SAMD5: variants seen among roughly 807,000 people sequenced by gnomAD.
The protein encoded by SAMD5 is sterile alpha motif domain-containing protein 5.
Under a neutral mutation model 11.3 loss-of-function variants are expected in SAMD5, and 13 were observed. The observed-to-expected ratio is 1.15, with a 90% confidence interval of 0.75 to 1.83. The LOEUF (loss-of-function observed/expected upper bound fraction) is 1.83. Among genes scored for constraint, SAMD5 ranks in the 40% most tolerant of loss-of-function variants. The pLI, the probability that SAMD5 is intolerant of heterozygous loss-of-function variation, is 0.00. For synonymous variants in SAMD5, 129 were observed against 111.3 expected (o/e 1.16, Z -1.00); for missense variants, 255 against 239.1 (o/e 1.07, Z -0.44).
chr6:147,767,180 A>G, the SAMD5 span, among the ~76,000 whole-genome samples: 1 of 152,222 alleles, frequency 6.6e-6, no homozygotes, highest in Non-Finnish European at 1.5e-5. Context: ...CTACAACAGT[A>G]TCTTAGGTTG....
chr6:147,816,280 C>CAAAAAAAAA, the SAMD5 span, among the ~76,000 whole-genome samples: 10 of 12,706 alleles, frequency 7.9e-4, no homozygotes, highest in African/African-American at 1.3e-3. Context: ...AACTCCGTCT[C>CAAAAAAAAA]CAAAAAAAAA....
chr6:147,621,518 A>G (rs563171196), intron 1 of SAMD5, among the ~76,000 whole-genome samples: 1 of 152,320 alleles, frequency 6.6e-6, no homozygotes, highest in East Asian at 1.9e-4. Flanking sequence ...TCTTGCTGAC[A>G]CAGAGCTATC....
the SAMD5 span, among the ~76,000 whole-genome samples, chr6:147,829,501 T>C: frequency 6.6e-6 from 1 of 152,242 alleles, no homozygotes; most frequent in African/African-American, 2.4e-5. Flanking sequence ...AAATGATTGC[T>C]TATTTTTGCT....
intron 1 of SAMD5, among the ~76,000 whole-genome samples, chr6:147,524,063 T>C (rs1326948388): frequency 1.3e-5 from 2 of 152,232 alleles, no homozygotes; most frequent in African/African-American, 4.8e-5. Context: ...TTTTCAGTTT[T>C]ATTGCAGTGT....
At chr6:147,938,466 T>C in the SAMD5 span, among the ~76,000 whole-genome samples, 1 of 152,146 alleles carries the variant, frequency 6.6e-6, no homozygotes, top group East Asian at 1.9e-4. Context: ...TATAGACTAG[T>C]AGGAGAGATG....
At chr6:147,631,409 A>T (rs933399884) in intron 1 of SAMD5, among the ~76,000 whole-genome samples, 5 of 152,112 alleles carry the variant, frequency 3.3e-5, no homozygotes, top group Admixed American at 3.3e-4. Context: ...CCTCCTTTTT[A>T]AGTTGGAGGC....
At chr6:147,720,370 G>A (rs1006975075) in intron 1 of SAMD5, among the ~76,000 whole-genome samples, 1 of 152,118 alleles carries the variant, frequency 6.6e-6, no homozygotes, top group Non-Finnish European at 1.5e-5. Context: ...GGCTGAGGCA[G>A]GAGAATGGCG....
intron 1 of SAMD5, among the ~76,000 whole-genome samples, chr6:147,647,455 G>T (rs1790422930): frequency 6.6e-6 from 1 of 152,090 alleles, no homozygotes; most frequent in Admixed American, 6.6e-5. Flanking sequence ...AAGCAATCAG[G>T]TTTGGATGGG....
chr6:147,945,435 C>A, the SAMD5 span, among the ~76,000 whole-genome samples: 279 of 152,288 alleles, frequency 1.8e-3, 2 homozygotes, highest in African/African-American at 6.3e-3. Context: ...TTTTAACCCC[C>A]AAACGTTATT....
intron 1 of SAMD5, among the ~76,000 whole-genome samples, chr6:147,698,735 T>A (rs1361166055): frequency 6.6e-6 from 1 of 152,132 alleles, no homozygotes; most frequent in Non-Finnish European, 1.5e-5. Flanking sequence ...TATATTCTAC[T>A]GGAAACAGAC....
chr6:147,949,088 C>A, the SAMD5 span, among the ~76,000 whole-genome samples: 4 of 152,348 alleles, frequency 2.6e-5, no homozygotes, highest in African/African-American at 4.8e-5. Context: ...TGAACCAAGA[C>A]ATTATTTGAA....
chr6:147,569,792 C>A lies in SAMD5; in HGVS notation c.*5336C>A. 2 of 985,268 alleles carry A rather than the reference C, an allele frequency of 2.0e-6. No homozygotes were observed. Among genetic ancestry groups the A allele is most frequent in the Non-Finnish European group, 2.4e-6 (2 of 829,818 alleles). The allele number at this position is 985,268 out of a possible 1,614,324, so 61.0% of individuals were successfully genotyped here. A position where few individuals can be genotyped will look rare whatever the true frequency, so the allele number is the denominator to read the frequency against. On this transcript the variant is annotated 3_prime_UTR_variant, in exon 2 of 2. Coordinates refer to ENST00000367474, the MANE Select transcript of SAMD5 (RefSeq NM_001030060.3). Reference sequence around the variant, plus strand: ...AATCTACATGTGTATATCTGAGTAGCGAAGCACAGATTCACTCTAATTGAA... The same window carrying A: ...AATCTACATGTGTATATCTGAGTAGAGAAGCACAGATTCACTCTAATTGAA...
chr6:147,738,669 G>T (rs1202877221), downstream of SAMD5, among the ~76,000 whole-genome samples: 1 of 152,082 alleles, frequency 6.6e-6, no homozygotes, highest in East Asian at 1.9e-4. Flanking sequence ...ATGTCTATCT[G>T]CAGGTTTTAC....
chr6:147,708,563 A>G (rs1791355796), intron 1 of SAMD5, among the ~76,000 whole-genome samples: 1 of 152,260 alleles, frequency 6.6e-6, no homozygotes, highest in Non-Finnish European at 1.5e-5. Flanking sequence ...TAAAATGATC[A>G]GAGCTAGAGA....
At chr6:147,872,213 C>T in the SAMD5 span, among the ~76,000 whole-genome samples, 1 of 152,074 alleles carries the variant, frequency 6.6e-6, no homozygotes. Context: ...TCAAGCAGTC[C>T]TCCCACCTCA....
At position 147,634,161 on chromosome 6, in the gene SAMD5, A is replaced by G. The variant is rs187296765; in HGVS notation, c.163-103156A>G. 6.7e-4 allele frequency among the ~76,000 whole-genome samples: 102 copies of G among 152,326 alleles called. 1 individual carries two copies. The highest frequency in any genetic ancestry group is 2.2e-3 in the African/African-American group (93 of 41,574). ...TGTTAGTCCATTCTCACATAGCTAA[A>G]AAGAACTACCTGAGACTGGGTAACG... On this transcript the variant is annotated intron_variant, in intron 1 of 1. Transcript: ENST00000566741.
chr6:147,925,682 CTTTT>C, the SAMD5 span, among the ~76,000 whole-genome samples: 2 of 115,274 alleles, frequency 1.7e-5, no homozygotes, highest in African/African-American at 3.2e-5. Flanking sequence ...ACTGAGAATT[CTTTT>C]TTTTTTTTTT....
rs577741223 is a variant in SAMD5 at position 147,712,808 on chromosome 6, T to TAAAA, written c.163-24498_163-24495dup. Among the ~76,000 whole-genome samples the TAAAA allele has an allele frequency of 1.0e-3, 128 of 123,888 alleles. 1 individual carries two copies. The highest frequency in any genetic ancestry group is 4.4e-3 in the African/African-American group (125 of 28,228). The allele number at this position is 123,888 out of a possible 152,430, so 81.3% of individuals were successfully genotyped here. A position where few individuals can be genotyped will look rare whatever the true frequency, so the allele number is the denominator to read the frequency against. On this transcript the variant is annotated intron_variant, in intron 1 of 1. Transcript: ENST00000566741. ...TTAGACTTCCCAGCCTCTGGAACTA[T>TAAAA]AAAAAAAAAAAAAAGTCTGTTGTTT...
At chr6:147,562,978 G>C (rs1788978200) in intron 1 of SAMD5, among the ~76,000 whole-genome samples, 1 of 152,288 alleles carries the variant, frequency 6.6e-6, no homozygotes, top group Admixed American at 6.5e-5. Context: ...CTTTTTCGCA[G>C]TTTATAACAA....
Sources: gnomAD v4.1 joint callset for allele counts (sites outside exome capture counted in the v4.1 genomes callset) on GRCh38, gnomAD v4.1.1 for gene constraint, MANE v1.5 for transcripts, NCBI Gene and HGNC (gene_info 2026-07-23, HGNC 2026-07-21) for gene names.